Variants in SLC30A3 observed in about 807,000 individuals in gnomAD.
SLC30A3 encodes the protein solute carrier family 30 member 3, also known as probable proton-coupled zinc antiporter SLC30A3.
Under a neutral mutation model 35.6 loss-of-function variants are expected in SLC30A3, and 20 were observed. That is an observed-to-expected ratio of 0.56 (90% CI 0.39 to 0.82). The LOEUF (loss-of-function observed/expected upper bound fraction) is 0.82. SLC30A3 is among the 40% of genes least tolerant of loss of function. SLC30A3 has a pLI of 0.00. For synonymous variants in SLC30A3, 217 were observed against 224.7 expected (o/e 0.97, Z 0.31); for missense variants, 401 against 530.6 (o/e 0.76, Z 2.40).
Position 27,258,555 on chromosome 2 carries a change from G to T in SLC30A3, c.277+198C>A. The T allele has an allele frequency of 1.5e-6, 1 of 673,280 alleles. No homozygotes were observed. Among genetic ancestry groups the T allele is most frequent in the Non-Finnish European group, 2.4e-6 (1 of 409,118 alleles). 41.7% of individuals were successfully genotyped at this position (673,280 alleles called of 1,614,324 possible). The stretch of plus-strand genomic sequence containing the variant: ...TAAAAGAAGTCAGCCCTGACCTACT[G>T]GCCCCGGACCTCGGCTGGAATTCCC... On this transcript the variant is annotated intron_variant, in intron 2 of 7. Transcript: ENST00000233535. This position sits in a 1 kb window ranked among gnomAD's most constrained non-coding sequence, Gnocchi z 4.0.
Position 27,257,409 on chromosome 2 carries a change from C to T in SLC30A3, c.579-57G>A. The T allele has an allele frequency of 6.6e-7, 1 of 1,504,200 alleles. No individual in the cohort carries two copies. The highest frequency in any genetic ancestry group is 9.1e-7 in the Non-Finnish European group (1 of 1,103,042). 93.2% of individuals were successfully genotyped at this position (1,504,200 alleles called of 1,614,324 possible). On this transcript the variant is annotated intron_variant, in intron 4 of 7. Transcript: ENST00000233535. This position sits in a 1 kb window ranked among gnomAD's most constrained non-coding sequence, Gnocchi z 4.7. ...GCCCTGCTCCTGGCCTCCTATACCCCCATCTCCATGTCTCACCTCCCCAGT... is the reference window on the plus strand; with the variant it reads ...GCCCTGCTCCTGGCCTCCTATACCCTCATCTCCATGTCTCACCTCCCCAGT...
In SLC30A3 at chr2:27,256,872, G is replaced by C; in HGVS notation, c.799C>G (p.Pro267Ala). The C allele has an allele frequency of 6.2e-7, 1 of 1,606,986 alleles. No individual in the cohort carries two copies. The highest frequency in any genetic ancestry group is 8.5e-7 in the Non-Finnish European group (1 of 1,178,410). ...ATGGAGAAGAGGAAGGTGCTGATGG[G>C]GTCGGCTGCCTTGTATTGAGGCTGC... ...YFKPQYKAAD[P>A]ISTFLFSICA... is the part of the protein sequence containing the mutation. The change falls in exon 6 of 8, where the codon CCC (proline) becomes GCC (alanine). Residue 267 changes from proline to alanine, a missense_variant. Pro to Ala is a conservative substitution (Grantham distance 27). This residue lies in a region of SLC30A3 where 296 missense variants were observed against 392.6 expected (regional missense o/e 0.75). Transcript: ENST00000233535.
intron 1 of SLC30A3, among the ~76,000 whole-genome samples, chr2:27,273,964 C>A (rs549255133): frequency 2.0e-5 from 3 of 152,222 alleles, no homozygotes; most frequent in African/African-American, 4.8e-5. Flanking sequence ...TGGTGAGTGA[C>A]CTTCGAAGGA....
At chr2:27,269,442 C>T (rs1262754436) in intron 1 of SLC30A3, among the ~76,000 whole-genome samples, 2 of 151,852 alleles carry the variant, frequency 1.3e-5, no homozygotes, top group African/African-American at 4.8e-5. Flanking sequence ...CTCCTGACCT[C>T]GTGATCCGCC....
At chr2:27,272,160 A>G (rs1387200171) in intron 1 of SLC30A3, among the ~76,000 whole-genome samples, 1 of 152,236 alleles carries the variant, frequency 6.6e-6, no homozygotes, top group East Asian at 1.9e-4. Context: ...TGGAGGGAAT[A>G]CTAAGGCAAA....
chr2:27,270,171 T>C (rs940963615), intron 1 of SLC30A3, among the ~76,000 whole-genome samples: 1 of 152,270 alleles, frequency 6.6e-6, no homozygotes, highest in Non-Finnish European at 1.5e-5. Context: ...AGGTATTAAC[T>C]ATTTTTTCAC....
rs774996987 is a variant in SLC30A3 at position 27,262,910 on chromosome 2, C to G, written c.-4G>C. 9.0e-6 allele frequency: 14 copies of G among 1,555,438 alleles called. No individual in the cohort carries two copies. In the Admixed American group the frequency reaches 2.4e-4, roughly 27 times the overall value. On this transcript the variant is annotated 5_prime_UTR_variant, in exon 1 of 8. Coordinates refer to ENST00000233535, the MANE Select transcript of SLC30A3 (RefSeq NM_003459.5). The surrounding 1 kb of genome is among the most constrained non-coding windows in gnomAD (Gnocchi z 7.5). ...CAGCGGCTGGAGAGGGCTCCATGTT[C>G]CCGGTGCCCCGACCGTCTAGGCCCC...
rs1676739771 is a variant in SLC30A3, at chr2:27,254,762, ACAC to A, written c.*547_*549del. 1.6e-5 allele frequency: 1 copy of A among 64,468 alleles called. No homozygotes were observed. Among genetic ancestry groups the A allele is most frequent in the Admixed American group, 2.3e-4 (1 of 4,400 alleles). The allele number at this position is 64,468 out of a possible 1,614,324, so 4.0% of individuals were successfully genotyped here. On this transcript the variant is annotated 3_prime_UTR_variant, in exon 8 of 8. Coordinates refer to ENST00000233535, the MANE Select transcript of SLC30A3 (RefSeq NM_003459.5). Reference sequence around the variant, plus strand: ...ACACACAGGCCACAGCACCAAGAACACACACACACACACACACACACACACACA... The same window carrying A: ...ACACACAGGCCACAGCACCAAGAACAACACACACACACACACACACACACA...
chr2:27,273,037 C>T (rs1363457803), intron 1 of SLC30A3, among the ~76,000 whole-genome samples: 1 of 92,766 alleles, frequency 1.1e-5, no homozygotes, highest in Non-Finnish European at 2.2e-5. Context: ...GACCTTGTCT[C>T]AAAAAAAAAA....
In SLC30A3 at chr2:27,262,988, C is replaced by T. The variant is rs1403975239; in HGVS notation, c.-82G>A. On this transcript the variant is annotated 5_prime_UTR_variant, in exon 1 of 8. Coordinates refer to ENST00000233535, the MANE Select transcript of SLC30A3 (RefSeq NM_003459.5). The surrounding 1 kb of genome is among the most constrained non-coding windows in gnomAD (Gnocchi z 7.5). The stretch of plus-strand genomic sequence containing the variant: ...CCCGCGCCAAGTCCGAGCAGCCCGC[C>T]GACCCCCGGGATCCCCGCAGGGCGG... The T allele has an allele frequency of 4.9e-6, 7 of 1,425,638 alleles. No homozygotes were observed. Among genetic ancestry groups the T allele is most frequent in the African/African-American group, 3.1e-5 (2 of 65,556 alleles). 88.3% of individuals were successfully genotyped at this position (1,425,638 alleles called of 1,614,324 possible). A position where few individuals can be genotyped will look rare whatever the true frequency, so the allele number is the denominator to read the frequency against.
In SLC30A3 at chr2:27,262,824, A is replaced by G; in HGVS notation, c.83T>C (p.Leu28Pro). 1 of 1,567,168 alleles carries G rather than the reference A, an allele frequency of 6.4e-7. No homozygotes were observed. Among genetic ancestry groups the G allele is most frequent in the Non-Finnish European group, 8.6e-7 (1 of 1,161,448 alleles). Residue 28 changes from leucine to proline, a missense_variant, in exon 1 of 8, where the codon CTG becomes CCG. Physicochemically the swap from Leu to Pro is moderately conservative, Grantham distance 98. This residue lies in a region of SLC30A3 where 103 missense variants were observed against 120.7 expected (regional missense o/e 0.85). Transcript: ENST00000233535. This position sits in a 1 kb window ranked among gnomAD's most constrained non-coding sequence, Gnocchi z 7.5. ...PRDRGGAGGS[L>P]RLKSLFTEPS... is the part of the protein sequence containing the mutation. ...AGGTCTGTCCTACCTCTTCAAACGC[A>G]GGCTGCCTCCGGCGCCACCGCGGTC...
At chr2:27,272,692 C>T (rs1033354632) in intron 1 of SLC30A3, among the ~76,000 whole-genome samples, 4 of 151,430 alleles carry the variant, frequency 2.6e-5, no homozygotes, top group African/African-American at 7.3e-5. Flanking sequence ...TCCCAAAGTG[C>T]TGAGATTACA....
intron 1 of SLC30A3, among the ~76,000 whole-genome samples, chr2:27,274,223 G>A (rs1677878719): frequency 1.3e-5 from 2 of 152,208 alleles, no homozygotes; most frequent in Admixed American, 6.5e-5. Flanking sequence ...TACTTGGAAG[G>A]CTGAAGCAGG....
At chr2:27,272,748 T>C (rs1016792855) in intron 1 of SLC30A3, among the ~76,000 whole-genome samples, 2 of 151,266 alleles carry the variant, frequency 1.3e-5, no homozygotes, top group African/African-American at 2.4e-5. Context: ...TAAATCAATA[T>C]GCAAATAAAC....
At chr2:27,273,258 A>T (rs1298420934) in intron 1 of SLC30A3, among the ~76,000 whole-genome samples, 1 of 151,678 alleles carries the variant, frequency 6.6e-6, no homozygotes, top group East Asian at 1.9e-4. Context: ...ATGGTCAAAG[A>T]CTCTTGAAAT....
chr2:27,255,438 G>A lies in SLC30A3; in HGVS notation c.1041C>T (p.Ala347=), dbSNP rs555560880. 8.7e-6 allele frequency: 14 copies of A among 1,613,836 alleles called. No homozygotes were observed. Among genetic ancestry groups the A allele is most frequent in the South Asian group, 2.2e-5 (2 of 90,966 alleles). ...GCCGGGATGAGGCTTCAGCCAGGAC[G>A]GCTTCAGGGTCAGCGGTGGAGTCTG... ...LAIDSTADPE[A]VLAEASSRLY... Residue 347 remains alanine, a synonymous_variant, in exon 8 of 8, where the codon GCC becomes GCT. Coordinates refer to ENST00000233535, the MANE Select transcript of SLC30A3 (RefSeq NM_003459.5). The surrounding 1 kb of genome is among the most constrained non-coding windows in gnomAD (Gnocchi z 5.2).
upstream of SLC30A3, chr2:27,263,408 C>G (rs200224911): frequency 6.3e-5 from 28 of 447,248 alleles, no homozygotes; most frequent in Non-Finnish European, 1.0e-4. Context: ...CACGCCGTCA[C>G]CCTGTGGCCG....
upstream of SLC30A3, among the ~76,000 whole-genome samples, chr2:27,264,520 C>T (rs1677397851): frequency 6.6e-6 from 1 of 152,070 alleles, no homozygotes; most frequent in Admixed American, 6.5e-5. The surrounding 1 kb of genome is among the most constrained non-coding windows in gnomAD (Gnocchi z 6.1). Context: ...CCAAGGTGTG[C>T]GGGCGGCGCG....
At position 27,257,271 on chromosome 2, in the gene SLC30A3, C is replaced by A. The variant is rs770436929; in HGVS notation, c.660G>T (p.Gly220=). ...RGAEYAPLEE[G]PEEPLPLGNT... is the part of the protein sequence containing the mutation. ...TCCCCAGGGGCAGGGGCTCTTCAGG[C>A]CCCTCCTCCAGCGGTGCATACTCTG... The change falls in exon 5 of 8, where the codon GGG becomes GGT. Residue 220 remains glycine (G), a synonymous_variant. Transcript: ENST00000233535. This position sits in a 1 kb window ranked among gnomAD's most constrained non-coding sequence, Gnocchi z 4.7. 3.7e-6 allele frequency: 6 copies of A among 1,614,048 alleles called. No individual in the cohort carries two copies. Among genetic ancestry groups the A allele is most frequent in the Non-Finnish European group, 5.1e-6 (6 of 1,179,964 alleles).
Sources: gnomAD v4.1 joint callset for allele counts (sites outside exome capture counted in the v4.1 genomes callset) on GRCh38, gnomAD v4.1.1 for gene constraint, gnomAD v4.1.1 regional missense constraint, Gnocchi (gnomAD v3.1) non-coding constraint, MANE v1.5 for transcripts, NCBI Gene and HGNC (gene_info 2026-07-23, HGNC 2026-07-21) for gene names.